Variants in EWSR1 observed in about 807,000 individuals in gnomAD.
EWSR1 encodes EWS RNA binding protein 1.
In EWSR1, 14 loss-of-function variants were observed where a neutral mutation model predicts 92.1. The ratio of observed to expected loss-of-function variants is 0.15; its 90% CI spans 0.10 to 0.24. The LOEUF is 0.24. EWSR1 is among the 10% of genes least tolerant of loss of function. The pLI, the probability that EWSR1 is intolerant of heterozygous loss-of-function variation, is 1.00. For synonymous variants in EWSR1, 303 were observed against 292.9 expected (o/e 1.03, Z -0.35); for missense variants, 637 against 870.9 (o/e 0.73, Z 3.38).
intron 6 of EWSR1, among the ~76,000 whole-genome samples, chr22:29,284,003 T>A (rs939907166): frequency 6.6e-6 from 1 of 151,146 alleles, no homozygotes; most frequent in Non-Finnish European, 1.5e-5. Context: ...ACCGGCTAAT[T>A]TTGTATTTTT....
rs746263469 is a variant in EWSR1, at chr22:29,299,476, G to A, written c.1679-123G>A. The A allele has an allele frequency of 3.4e-5, 51 of 1,486,174 alleles. 1 individual carries two copies. The highest frequency in any genetic ancestry group is 3.8e-5 in the Non-Finnish European group (42 of 1,115,006). The allele number at this position is 1,486,174 out of a possible 1,614,324, so 92.1% of individuals were successfully genotyped here. Reference sequence around the variant, plus strand: ...ATTTCTAAATTGTCAGCCCGATGCCGAGATTGAGTGAAGTGTCTGGTTTGT... The same window carrying A: ...ATTTCTAAATTGTCAGCCCGATGCCAAGATTGAGTGAAGTGTCTGGTTTGT... On this transcript the variant is annotated intron_variant, in intron 15 of 16. Coordinates refer to ENST00000397938, the MANE Select transcript of EWSR1 (RefSeq NM_005243.4).
chr22:29,298,964 C>G (rs1016324161), intron 14 of EWSR1, 69 bp downstream of exon 14: 3 of 1,472,568 alleles, frequency 2.0e-6, no homozygotes, highest in African/African-American at 1.4e-5. Flanking sequence ...CATCCCCACT[C>G]TAGAGTGGAT....
At chr22:29,274,608 T>C (rs1268876989) in intron 4 of EWSR1, among the ~76,000 whole-genome samples, 6 of 152,232 alleles carry the variant, frequency 3.9e-5, no homozygotes, top group African/African-American at 1.4e-4. Flanking sequence ...TGATGAGATT[T>C]ATTTAGAGGA....
chr22:29,268,480 C>G (rs2058315314), intron 1 of EWSR1, 131 bp downstream of exon 1: 2 of 1,529,694 alleles, frequency 1.3e-6, no homozygotes, highest in Non-Finnish European at 1.8e-6. Context: ...CGCCGCGGCC[C>G]GACGAGCTCG....
chr22:29,272,304 T>C, intron 2 of EWSR1, 52 bp downstream of exon 2: 1 of 1,611,362 alleles, frequency 6.2e-7, no homozygotes, highest in Non-Finnish European at 8.5e-7. Context: ...ATTTTTTGAA[T>C]ATGGAGCCTT....
At chr22:29,292,656 C>CTTG in intron 11 of EWSR1, 50 bp downstream of exon 11, 1 of 1,204,494 alleles carries the variant, frequency 8.3e-7, no homozygotes, top group Non-Finnish European at 1.2e-6. Context: ...AACCACAGAG[C>CTTG]ATTTTAAAGA....
intron 6 of EWSR1, among the ~76,000 whole-genome samples, chr22:29,285,537 T>C (rs1602386636): frequency 6.6e-6 from 1 of 151,640 alleles, no homozygotes; most frequent in African/African-American, 2.4e-5. Context: ...TTCTGAAGTT[T>C]CCTCTATTAA....
intron 4 of EWSR1, chr22:29,276,630 A>AC (rs1459241686): frequency 4.4e-6 from 1 of 226,870 alleles, no homozygotes; most frequent in Non-Finnish European, 8.8e-6. Context: ...TGAGATGTAG[A>AC]CTTTTTTTTT....
rs372919574 is a variant in EWSR1, at chr22:29,268,799, A to G, written c.13+450A>G. Among the ~76,000 whole-genome samples, 9 of 152,218 alleles carry G rather than the reference A, an allele frequency of 5.9e-5. No homozygotes were observed. The East Asian group carries it at 1.7e-3, about 29-fold the overall frequency. Reference sequence around the variant, plus strand: ...CCCCGTTTTCAGGGTTTCCTGAGAAACCAGGGGAAAAAGCAAATAAAGATA... The same window carrying G: ...CCCCGTTTTCAGGGTTTCCTGAGAAGCCAGGGGAAAAAGCAAATAAAGATA... On this transcript the variant is annotated intron_variant, in intron 1 of 16. Coordinates refer to ENST00000397938, the MANE Select transcript of EWSR1 (RefSeq NM_005243.4).
At chr22:29,285,255 C>T (rs2059939940) in intron 6 of EWSR1, among the ~76,000 whole-genome samples, 1 of 149,504 alleles carries the variant, frequency 6.7e-6, no homozygotes, top group Non-Finnish European at 1.5e-5. Flanking sequence ...TCTCGAGTAG[C>T]TGGGACTATA....
intron 4 of EWSR1, chr22:29,274,515 T>G: frequency 2.0e-6 from 1 of 505,998 alleles, no homozygotes; most frequent in Non-Finnish European, 3.5e-6. Context: ...CAAGCCTTAA[T>G]AATAGTTATT....
At chr22:29,290,259 A>G in intron 8 of EWSR1, 1 of 609,670 alleles carries the variant, frequency 1.6e-6, no homozygotes, top group South Asian at 2.8e-5. Context: ...CCCCCTTTTT[A>G]TTGTGGTGTG....
intron 5 of EWSR1, among the ~76,000 whole-genome samples, chr22:29,280,887 T>C (rs1323279514): frequency 8.2e-6 from 1 of 121,748 alleles, no homozygotes; most frequent in African/African-American, 2.9e-5. Flanking sequence ...TTTTTTTTTT[T>C]TTTTTTTTTT....
rs983845693 is a variant in EWSR1 at position 29,283,474 on chromosome 22, G to C, written c.581+917G>C. Among the ~76,000 whole-genome samples, 48 of 149,330 alleles carry C rather than the reference G, an allele frequency of 3.2e-4. 3 individuals are homozygous for C. Among genetic ancestry groups the C allele is most frequent in the African/African-American group, 1.2e-3 (47 of 38,866 alleles). On this transcript the variant is annotated intron_variant, in intron 6 of 16. Transcript: ENST00000397938. Reference sequence around the variant, plus strand: ...AGGGATTCTCATGCCTCAGCCTCCCGAGTAGCTGGGACTGCAAGTGCATGC... The same window carrying C: ...AGGGATTCTCATGCCTCAGCCTCCCCAGTAGCTGGGACTGCAAGTGCATGC...
At chr22:29,292,352 T>C in intron 10 of EWSR1, 136 bp from the exon 11 acceptor site, 1 of 917,912 alleles carries the variant, frequency 1.1e-6, no homozygotes, top group Non-Finnish European at 1.7e-6. Flanking sequence ...AACCAAAAGT[T>C]TGATAGCATT....
intron 7 of EWSR1, 104 bp downstream of exon 7, chr22:29,287,238 C>A: frequency 8.7e-7 from 1 of 1,153,832 alleles, no homozygotes; most frequent in Non-Finnish European, 1.3e-6. Context: ...GATGGAGTTT[C>A]ACTCTTGGGG....
chr22:29,272,942 G>A (rs886579169), intron 3 of EWSR1, among the ~76,000 whole-genome samples: 3 of 152,168 alleles, frequency 2.0e-5, no homozygotes, highest in Non-Finnish European at 4.4e-5. Flanking sequence ...TAGCCTTCTA[G>A]TGTTTTCAAG....
chr22:29,291,649 A>G, intron 9 of EWSR1, 50 bp downstream of exon 9: 3 of 1,532,510 alleles, frequency 2.0e-6, no homozygotes, highest in Non-Finnish European at 2.7e-6. Context: ...AAATGCAGTC[A>G]GTTTTTAGAA....
chr22:29,282,813 A>T (rs1360134439), intron 6 of EWSR1, among the ~76,000 whole-genome samples: 1 of 141,618 alleles, frequency 7.1e-6, no homozygotes. Flanking sequence ...CCCAGGCTGG[A>T]GTGCAGTGGC....
Sources: allele counts gnomAD v4.1 joint callset (sites outside exome capture counted in the v4.1 genomes callset), GRCh38; gene constraint gnomAD v4.1.1; transcripts MANE v1.5; gene names NCBI Gene and HGNC (gene_info 2026-07-23, HGNC 2026-07-21).